NF2: variants seen among roughly 807,000 people sequenced by gnomAD.
NF2 encodes NF2, moesin-ezrin-radixin like (MERLIN) tumor suppressor.
A neutral mutation model predicts 83.7 loss-of-function variants in NF2; 8 were observed. The observed-to-expected ratio is 0.10, with a 90% CI of 0.06 to 0.17. NF2 has a LOEUF of 0.17. Among genes scored for constraint, NF2 ranks in the 10% least tolerant of loss-of-function variants. The pLI, the probability that NF2 is intolerant of heterozygous loss-of-function variation, is 1.00. For missense variants in NF2, 533 were observed against 744.4 expected (o/e 0.72, Z 3.31); for synonymous variants, 266 against 269.6 (o/e 0.99, Z 0.13).
At chr22:29,654,254 T>C (rs1225359772) in intron 4 of NF2, among the ~76,000 whole-genome samples, 1 of 152,254 alleles carries the variant, frequency 6.6e-6, no homozygotes, top group Non-Finnish European at 1.5e-5. Flanking sequence ...TGGGCTCCAA[T>C]TACCAGTCAC....
At chr22:29,688,902 C>T (rs534682247) in intron 15 of NF2, among the ~76,000 whole-genome samples, 7 of 152,180 alleles carry the variant, frequency 4.6e-5, no homozygotes, top group Non-Finnish European at 8.8e-5. Context: ...TGATCTGGGC[C>T]GGACGCGGTG....
chr22:29,608,010 TA>T (rs2064844385), intron 1 of NF2, among the ~76,000 whole-genome samples: 1 of 150,208 alleles, frequency 6.7e-6, no homozygotes. Context: ...CCGTCTCTGC[TA>T]AAAATACAAA....
In NF2 at chr22:29,674,926, C is replaced by G. The variant is rs2147093689; in HGVS notation, c.1431C>G (p.Thr477=). 6.4e-7 allele frequency: 1 copy of G among 1,569,280 alleles called. No individual in the cohort carries two copies. Among genetic ancestry groups the G allele is most frequent in the Non-Finnish European group, 8.6e-7 (1 of 1,156,390 alleles). Residue 477 remains threonine, a synonymous_variant, in exon 13 of 16, where the codon ACC becomes ACG. Coordinates refer to ENST00000338641, the MANE Select transcript of NF2 (RefSeq NM_000268.4). ...AGCAGAAGCTCCTGGAGATTGCCAC[C>G]AAGCCCACGTACCCGGTGAGCCTGG... is the stretch of plus-strand genomic sequence containing the variant. The part of the protein sequence containing the change: ...RAKQKLLEIA[T]KPTYPPMNPI...
At chr22:29,655,952 T>TC (rs2066293374) in intron 6 of NF2, among the ~76,000 whole-genome samples, 1 of 151,942 alleles carries the variant, frequency 6.6e-6, no homozygotes, top group Admixed American at 6.6e-5. Context: ...TTTTTTTTTT[T>TC]TTTTGAGACA....
rs1161944822 is a variant in NF2, at chr22:29,695,987, C to T, written c.*1185C>T. 4.3e-6 allele frequency: 1 copy of T among 233,484 alleles called. No individual in the cohort carries two copies. The highest frequency in any genetic ancestry group is 8.5e-6 in the Non-Finnish European group (1 of 118,212). The allele number at this position is 233,484 out of a possible 1,614,324, so 14.5% of individuals were successfully genotyped here. ...CTCACCTAGGCTGTCACAGGACCCACCTCCATGCCAGGCAACAGAGGGCCA... is the reference window on the plus strand; with the variant it reads ...CTCACCTAGGCTGTCACAGGACCCATCTCCATGCCAGGCAACAGAGGGCCA... On this transcript the variant is annotated 3_prime_UTR_variant, in exon 16 of 16. Transcript: ENST00000338641. The surrounding 1 kb of genome is among the most constrained non-coding windows in gnomAD (Gnocchi z 5.4).
intron 4 of NF2, among the ~76,000 whole-genome samples, chr22:29,650,055 A>G (rs1421646299): frequency 3.3e-5 from 5 of 152,174 alleles, no homozygotes; most frequent in Non-Finnish European, 7.3e-5. Flanking sequence ...AATATAACTT[A>G]CAAAGATTAA....
chr22:29,614,908 G>A (rs1158748649), intron 1 of NF2, among the ~76,000 whole-genome samples: 4 of 152,134 alleles, frequency 2.6e-5, no homozygotes, highest in Non-Finnish European at 4.4e-5. Flanking sequence ...ATTAGGCTGG[G>A]TGTGGTGGCT....
intron 10 of NF2, among the ~76,000 whole-genome samples, chr22:29,669,323 A>C (rs777996200): frequency 3.9e-5 from 6 of 152,174 alleles, no homozygotes; most frequent in Non-Finnish European, 7.3e-5. Flanking sequence ...AAGAAATCCT[A>C]CTGAGCCAGC....
At chr22:29,648,011 G>A (rs1486001608) in intron 4 of NF2, among the ~76,000 whole-genome samples, 1 of 152,018 alleles carries the variant, frequency 6.6e-6, no homozygotes, top group African/African-American at 2.4e-5. Flanking sequence ...GGCGCCTGTA[G>A]TCCCAGCTAC....
At position 29,624,901 on chromosome 22, in the gene NF2, TTCTC is replaced by T. The variant is rs141837477; in HGVS notation, c.115-11832_115-11829del. 5.6e-3 allele frequency among the ~76,000 whole-genome samples: 807 copies of T among 143,266 alleles called. 28 individuals are homozygous for T. Among genetic ancestry groups the T allele is most frequent in the South Asian group, 0.037 (165 of 4,424 alleles). The allele number at this position is 143,266 out of a possible 152,430, so 94.0% of individuals were successfully genotyped here. A position where few individuals can be genotyped will look rare whatever the true frequency, so the allele number is the denominator to read the frequency against. ...TCTCCTCTTTCTGTCTCTCTCTTCT[TTCTC>T]TCTCTCTCTCTCTCTCTTTCTTTCT... On this transcript the variant is annotated intron_variant, in intron 1 of 15. Transcript: ENST00000338641.
intron 1 of NF2, among the ~76,000 whole-genome samples, chr22:29,616,985 A>C (rs888698727): frequency 6.6e-6 from 1 of 151,494 alleles, no homozygotes; most frequent in East Asian, 2.0e-4. Flanking sequence ...TTGGAAAGCA[A>C]TGGTGTGATC....
intron 13 of NF2, among the ~76,000 whole-genome samples, chr22:29,675,475 G>T (rs1311360157): frequency 1.4e-5 from 2 of 141,300 alleles, no homozygotes; most frequent in Non-Finnish European, 3.2e-5. Flanking sequence ...ATTCAGTTTG[G>T]CATTTTTTTT....
chr22:29,614,046 C>T (rs571417535), intron 1 of NF2, among the ~76,000 whole-genome samples: 43 of 150,492 alleles, frequency 2.9e-4, no homozygotes, highest in Admixed American at 1.7e-3. Flanking sequence ...TGTGAGCCAC[C>T]GCACCCGGCC....
intron 1 of NF2, among the ~76,000 whole-genome samples, chr22:29,619,394 G>GTTTC: frequency 6.7e-6 from 1 of 149,372 alleles, no homozygotes; most frequent in East Asian, 2.0e-4. Context: ...TTTTTTGTTT[G>GTTTC]TTTGTTTGTT....
At chr22:29,632,087 G>T (rs1296105507) in intron 1 of NF2, among the ~76,000 whole-genome samples, 2 of 152,150 alleles carry the variant, frequency 1.3e-5, no homozygotes, top group Non-Finnish European at 2.9e-5. Context: ...TGTGTTTTTT[G>T]GTTCAGATGA....
chr22:29,677,329 A>G (rs2066994229), intron 13 of NF2, among the ~76,000 whole-genome samples: 1 of 151,966 alleles, frequency 6.6e-6, no homozygotes, highest in African/African-American at 2.4e-5. Flanking sequence ...TGAAAGAGGG[A>G]TGGAGCATAG....
chr22:29,676,994 C>T (rs2066983797), intron 13 of NF2, among the ~76,000 whole-genome samples: 1 of 152,204 alleles, frequency 6.6e-6, no homozygotes, highest in Non-Finnish European at 1.5e-5. Context: ...CCCAAGGAGC[C>T]TTCTCTCAGC....
intron 1 of NF2, among the ~76,000 whole-genome samples, chr22:29,610,278 TGAG>T (rs2146697627): frequency 6.6e-6 from 1 of 151,868 alleles, no homozygotes; most frequent in East Asian, 1.9e-4. Context: ...CCCAGGAGGT[TGAG>T]GAGGCAGTGA....
At chr22:29,693,084 T>G (rs1465012139) in intron 15 of NF2, among the ~76,000 whole-genome samples, 1 of 152,210 alleles carries the variant, frequency 6.6e-6, no homozygotes, top group Non-Finnish European at 1.5e-5. Flanking sequence ...ATTTAAACCC[T>G]CTCTCATTTT....
Sources: gnomAD v4.1 joint callset for allele counts (sites outside exome capture counted in the v4.1 genomes callset) on GRCh38, gnomAD v4.1.1 for gene constraint, Gnocchi (gnomAD v3.1) non-coding constraint, MANE v1.5 for transcripts, NCBI Gene and HGNC (gene_info 2026-07-23, HGNC 2026-07-21) for gene names.